Variants in SUSD1 observed in about 807,000 individuals in gnomAD.
SUSD1 encodes the protein sushi domain-containing protein 1.
A neutral mutation model predicts 86.9 loss-of-function variants in SUSD1; 65 were observed. That is an observed-to-expected ratio of 0.75 (90% CI 0.61 to 0.92). The LOEUF is 0.92. Ranked by LOEUF, SUSD1 falls within the 40% of genes least tolerant of loss-of-function variation. The pLI, the probability that SUSD1 is intolerant of heterozygous loss-of-function variation, is 0.00. For missense variants in SUSD1, 850 were observed against 929.7 expected (o/e 0.91, Z 1.11); for synonymous variants, 346 against 350.0 (o/e 0.99, Z 0.13).
chr9:112,090,084 A>G (rs1348387003), intron 10 of SUSD1, among the ~76,000 whole-genome samples: 1 of 152,144 alleles, frequency 6.6e-6, no homozygotes, highest in Non-Finnish European at 1.5e-5. Flanking sequence ...CAATTAATAA[A>G]CCAAAATCTT....
chr9:112,174,672 A>C (rs1649247500), intron 1 of SUSD1, among the ~76,000 whole-genome samples: 1 of 152,136 alleles, frequency 6.6e-6, no homozygotes, highest in East Asian at 1.9e-4. Context: ...CCGGCTCTCT[A>C]ACAACGTGAA....
intron 15 of SUSD1, among the ~76,000 whole-genome samples, chr9:112,049,047 AGGT>A (rs1828076026): frequency 6.6e-6 from 1 of 152,250 alleles, no homozygotes; most frequent in Non-Finnish European, 1.5e-5. Context: ...GAAACAAGTC[AGGT>A]GGTGGTGTGT....
intron 3 of SUSD1, among the ~76,000 whole-genome samples, chr9:112,147,439 C>T (rs1832851847): frequency 6.6e-6 from 1 of 152,032 alleles, no homozygotes; most frequent in Non-Finnish European, 1.5e-5. Context: ...ATCGCTTGAA[C>T]GCAGGAGGCA....
chr9:112,175,203 A>G lies in SUSD1; in HGVS notation c.33T>C (p.Ser11=). 1 of 1,148,934 alleles carries G rather than the reference A, an allele frequency of 8.7e-7. No homozygotes were observed. Among genetic ancestry groups the G allele is most frequent in the Non-Finnish European group, 1.1e-6 (1 of 938,926 alleles). The allele number at this position is 1,148,934 out of a possible 1,614,324, so 71.2% of individuals were successfully genotyped here. Residue 11 remains serine, a synonymous_variant, in exon 1 of 17, where the codon TCT becomes TCC. Transcript: ENST00000374270. The surrounding 1 kb of genome is among the most constrained non-coding windows in gnomAD (Gnocchi z 4.7). ...GCAGCAACAGCGGCAGCAGGCGGCG[A>G]GACGGGCCCGCATCCCAGGGCCCCC... The part of the protein sequence containing the change: MGRGPWDAGP[S]RRLLPLLLLL...
intron 15 of SUSD1, among the ~76,000 whole-genome samples, chr9:112,051,097 T>C (rs1828170744): frequency 6.6e-6 from 1 of 152,242 alleles, no homozygotes; most frequent in South Asian, 2.1e-4. Context: ...CAGGGCCCCC[T>C]GACCACTGTA....
At chr9:112,043,988 C>T (rs1827853679) in intron 15 of SUSD1, among the ~76,000 whole-genome samples, 1 of 151,912 alleles carries the variant, frequency 6.6e-6, no homozygotes, top group South Asian at 2.1e-4. Flanking sequence ...TTAGTAGAGA[C>T]AGGGCTTCAC....
At chr9:112,112,478 T>C (rs573363938) in intron 7 of SUSD1, among the ~76,000 whole-genome samples, 2 of 151,440 alleles carry the variant, frequency 1.3e-5, no homozygotes, top group African/African-American at 4.8e-5. Context: ...CTACTGAAAA[T>C]ACAAAAAATT....
At chr9:112,143,946 A>G (rs1039754697) in intron 3 of SUSD1, among the ~76,000 whole-genome samples, 1 of 152,094 alleles carries the variant, frequency 6.6e-6, no homozygotes, top group Non-Finnish European at 1.5e-5. Context: ...TCCAATCACT[A>G]AAAAATATCC....
intron 1 of SUSD1, among the ~76,000 whole-genome samples, chr9:112,163,277 T>G (rs1833645858): frequency 6.6e-6 from 1 of 152,016 alleles, no homozygotes; most frequent in African/African-American, 2.4e-5. Flanking sequence ...TTCCTCAGCC[T>G]CCAGAGTAGT....
At position 112,142,396 on chromosome 9, in the gene SUSD1, G is replaced by C; in HGVS notation, c.630C>G (p.Phe210Leu). ...AAACTGTATCTTCTGGAACACTGAA[G>C]AATCCTTCTCTGCAAGCATAACGAA... ...SQVRYACREG[F>L]FSVPEDTVSS... is the part of the protein sequence containing the mutation. The change falls in exon 5 of 17, where the codon TTC becomes TTG. Residue 210 changes from phenylalanine to leucine, a missense_variant. Physicochemically the swap from Phe to Leu is conservative, Grantham distance 22. Transcript: ENST00000374270. The C allele has an allele frequency of 6.2e-7, 1 of 1,614,068 alleles. No homozygotes were observed.
intron 5 of SUSD1, chr9:112,137,687 C>T (rs1005936171): frequency 5.9e-5 from 9 of 152,176 alleles, no homozygotes; most frequent in African/African-American, 2.2e-4. Flanking sequence ...TAGCCATGCA[C>T]ATCACTGGGG....
chr9:112,088,797 A>G (rs1264779598), intron 10 of SUSD1, among the ~76,000 whole-genome samples: 4 of 151,870 alleles, frequency 2.6e-5, no homozygotes, highest in Admixed American at 1.3e-4. Flanking sequence ...AAAAACAAAC[A>G]AACAAACAAA....
chr9:112,049,906 G>A (rs1252161098), intron 15 of SUSD1, among the ~76,000 whole-genome samples: 1 of 152,162 alleles, frequency 6.6e-6, no homozygotes, highest in Non-Finnish European at 1.5e-5. Context: ...CACTGCCAAA[G>A]CCACTTAGAT....
chr9:112,087,429 C>T (rs1311644458), intron 10 of SUSD1, among the ~76,000 whole-genome samples: 1 of 152,168 alleles, frequency 6.6e-6, no homozygotes, highest in East Asian at 1.9e-4. Flanking sequence ...GATCCGCTCA[C>T]CTCGGCCTCC....
At chr9:112,151,819 C>T (rs890141087) in intron 2 of SUSD1, among the ~76,000 whole-genome samples, 2 of 151,508 alleles carry the variant, frequency 1.3e-5, no homozygotes, top group African/African-American at 4.9e-5. Flanking sequence ...GGGCGGATCA[C>T]CTGAGGTCAG....
At chr9:112,109,837 C>T (rs948532936) in intron 8 of SUSD1, among the ~76,000 whole-genome samples, 8 of 152,092 alleles carry the variant, frequency 5.3e-5, no homozygotes, top group African/African-American at 1.7e-4. Context: ...ATATCTTTGC[C>T]TGCATATTAT....
intron 12 of SUSD1, among the ~76,000 whole-genome samples, chr9:112,070,444 T>G (rs553147333): frequency 6.6e-6 from 1 of 152,352 alleles, no homozygotes; most frequent in South Asian, 2.1e-4. Context: ...CTTCCTTGTC[T>G]CCCAAACTGA....
intron 2 of SUSD1, among the ~76,000 whole-genome samples, chr9:112,149,926 T>C (rs927574478): frequency 3.3e-5 from 5 of 152,228 alleles, no homozygotes; most frequent in Admixed American, 6.5e-5. Context: ...TAATGGTCAA[T>C]GACCTGTGGT....
chr9:112,089,918 T>C (rs932431198), intron 10 of SUSD1, among the ~76,000 whole-genome samples: 1 of 152,034 alleles, frequency 6.6e-6, no homozygotes, highest in African/African-American at 2.4e-5. Flanking sequence ...AAGTAAATAT[T>C]TTAGGCTTTC....
Sources: gnomAD v4.1 joint callset for allele counts (sites outside exome capture counted in the v4.1 genomes callset) on GRCh38, gnomAD v4.1.1 for gene constraint, Gnocchi (gnomAD v3.1) non-coding constraint, MANE v1.5 for transcripts, NCBI Gene and HGNC (gene_info 2026-07-23, HGNC 2026-07-21) for gene names.